ATL2: variants seen among roughly 807,000 people sequenced by gnomAD.
The protein encoded by ATL2 is atlastin-2.
Under a neutral mutation model 73.9 loss-of-function variants are expected in ATL2, and 31 were observed. The observed-to-expected ratio is 0.42, with a 90% CI of 0.32 to 0.57. The LOEUF is 0.57. ATL2 is among the 20% of genes least tolerant of loss of function. The probability of loss-of-function intolerance (pLI) is 0.14; values close to 1 mark genes in which losing one functional copy is unlikely to be tolerated. For missense variants in ATL2, 738 were observed against 702.6 expected, an observed-to-expected ratio of 1.05 and a Z score of -0.57; for synonymous variants, 291 against 237.5, an observed-to-expected ratio of 1.23 and a Z score of -2.07.
At chr2:38,367,685 T>G (rs1231585461) in intron 1 of ATL2, among the ~76,000 whole-genome samples, 2 of 142,464 alleles carry the variant, frequency 1.4e-5, no homozygotes, top group East Asian at 2.2e-4. Flanking sequence ...CAGGCTGGAG[T>G]GCAATGGCGC....
intron 7 of ATL2, among the ~76,000 whole-genome samples, chr2:38,312,499 A>G (rs1437052308): frequency 6.6e-6 from 1 of 152,126 alleles, no homozygotes. Flanking sequence ...TCACAAGGTC[A>G]GGAGTTCAAG....
chr2:38,373,834 A>G (rs1374121684), intron 1 of ATL2, among the ~76,000 whole-genome samples: 2 of 151,616 alleles, frequency 1.3e-5, no homozygotes, highest in East Asian at 3.9e-4. Context: ...TCTTTCTATA[A>G]TATCTACCAA....
intron 1 of ATL2, among the ~76,000 whole-genome samples, chr2:38,365,174 C>CAAAT (rs1227110760): frequency 2.9e-5 from 4 of 137,906 alleles, no homozygotes; most frequent in African/African-American, 1.4e-4. Flanking sequence ...CAAATACACA[C>CAAAT]ACACACACAC....
intron 1 of ATL2, among the ~76,000 whole-genome samples, chr2:38,360,252 G>C (rs1421852204): frequency 2.8e-5 from 4 of 144,100 alleles, no homozygotes; most frequent in Non-Finnish European, 4.5e-5. Context: ...CGATGGCTCA[G>C]GGGATTCTTT....
At chr2:38,359,330 C>G (rs541861767) in intron 1 of ATL2, among the ~76,000 whole-genome samples, 1 of 151,884 alleles carries the variant, frequency 6.6e-6, no homozygotes, top group Admixed American at 6.6e-5. Context: ...ATTAGCCAGG[C>G]GTGGTGCCAC....
intron 1 of ATL2, among the ~76,000 whole-genome samples, chr2:38,352,139 A>AAAAAC (rs1670390149): frequency 9.0e-6 from 1 of 111,012 alleles, no homozygotes; most frequent in Admixed American, 8.0e-5. Context: ...CAACCAAAAA[A>AAAAAC]AAAAAAAAAA....
chr2:38,325,044 T>C (rs113624564), intron 2 of ATL2, among the ~76,000 whole-genome samples: 2 of 152,242 alleles, frequency 1.3e-5, no homozygotes, highest in Non-Finnish European at 2.9e-5. Context: ...TTTTATGTTA[T>C]GTATATCTTA....
intron 1 of ATL2, among the ~76,000 whole-genome samples, chr2:38,360,555 T>C (rs971296462): frequency 2.4e-4 from 37 of 152,174 alleles, no homozygotes; most frequent in African/African-American, 7.7e-4. Flanking sequence ...AGTGCTGGGA[T>C]TCCAGGAGTG....
chr2:38,328,633 G>T (rs1668802728), intron 2 of ATL2, among the ~76,000 whole-genome samples: 1 of 151,800 alleles, frequency 6.6e-6, no homozygotes, highest in South Asian at 2.1e-4. Context: ...TGAACTAAAG[G>T]AAAATGAAAA....
At chr2:38,357,486 T>C (rs1265816767) in intron 1 of ATL2, among the ~76,000 whole-genome samples, 2 of 151,144 alleles carry the variant, frequency 1.3e-5, no homozygotes, top group South Asian at 2.1e-4. Context: ...AAACCTCATC[T>C]CTACTAAAAA....
In ATL2 at chr2:38,367,912, C is replaced by T. The variant is rs375956897; in HGVS notation, c.118+9231G>A. 4.5e-4 allele frequency among the ~76,000 whole-genome samples: 67 copies of T among 150,474 alleles called. 3 individuals carry two copies. The South Asian group carries it at 7.6e-3, about 17-fold the overall frequency. ...CCTCCTAAAGTGCTGGGATTACAAA[C>T]GTAAACCACCACGCCCGGCCTAAAA... is the stretch of plus-strand genomic sequence containing the variant. On this transcript the variant is annotated intron_variant, in intron 1 of 12. Coordinates refer to ENST00000378954, the MANE Select transcript of ATL2 (RefSeq NM_001135673.4).
At chr2:38,342,106 G>C (rs1049341591) in intron 2 of ATL2, among the ~76,000 whole-genome samples, 19 of 151,426 alleles carry the variant, frequency 1.3e-4, no homozygotes, top group African/African-American at 4.6e-4. Context: ...CAACTCGAGT[G>C]AAAAAATTTT....
At chr2:38,313,428 C>T (rs918622918) in intron 6 of ATL2, among the ~76,000 whole-genome samples, 185 bp from the exon 7 acceptor site, 7 of 152,004 alleles carry the variant, frequency 4.6e-5, no homozygotes, top group Non-Finnish European at 1.0e-4. Flanking sequence ...ATTCTCAGGC[C>T]CTATACCAAG....
At chr2:38,351,383 G>T (rs1052661903) in intron 1 of ATL2, among the ~76,000 whole-genome samples, 1 of 152,014 alleles carries the variant, frequency 6.6e-6, no homozygotes, top group African/African-American at 2.4e-5. Flanking sequence ...AATTAATGTT[G>T]CGTACCTCAA....
At chr2:38,342,177 T>G (rs1669762351) in intron 2 of ATL2, among the ~76,000 whole-genome samples, 1 of 152,056 alleles carries the variant, frequency 6.6e-6, no homozygotes, top group African/African-American at 2.4e-5. Flanking sequence ...AAGTAGCAAT[T>G]GTCTGGTACC....
At chr2:38,369,582 G>A (rs562916760) in intron 1 of ATL2, among the ~76,000 whole-genome samples, 2 of 151,074 alleles carry the variant, frequency 1.3e-5, no homozygotes, top group Non-Finnish European at 2.9e-5. Flanking sequence ...CACCATGCTC[G>A]GCCAATTTTT....
At chr2:38,308,127 C>T (rs1667551117) in intron 9 of ATL2, among the ~76,000 whole-genome samples, 1 of 152,160 alleles carries the variant, frequency 6.6e-6, no homozygotes, top group South Asian at 2.1e-4. Context: ...AGAAAAAAAT[C>T]AGTATATAGA....
At chr2:38,373,333 G>A (rs751207101) in intron 1 of ATL2, among the ~76,000 whole-genome samples, 2 of 152,190 alleles carry the variant, frequency 1.3e-5, no homozygotes, top group African/African-American at 4.8e-5. Context: ...AGAGTTACTG[G>A]CCAGCAGGAT....
intron 10 of ATL2, among the ~76,000 whole-genome samples, 173 bp downstream of exon 10, chr2:38,300,099 A>C (rs1667105167): frequency 6.7e-6 from 1 of 149,892 alleles, no homozygotes; most frequent in Non-Finnish European, 1.5e-5. Flanking sequence ...CTGCAGTTAC[A>C]AAAAAAAAAT....
Sources: allele counts gnomAD v4.1 joint callset (sites outside exome capture counted in the v4.1 genomes callset), GRCh38; gene constraint gnomAD v4.1.1; transcripts MANE v1.5; gene names NCBI Gene and HGNC (gene_info 2026-07-23, HGNC 2026-07-21).